Variants in HS3ST4 observed in about 807,000 individuals in gnomAD.
The protein encoded by HS3ST4 is heparan sulfate-glucosamine 3-sulfotransferase 4, also known as heparan sulfate glucosamine 3-O-sulfotransferase 4.
Under a neutral mutation model 29.2 loss-of-function variants are expected in HS3ST4, and 17 were observed. The ratio of observed to expected loss-of-function variants is 0.58; its 90% CI spans 0.40 to 0.87. HS3ST4 has a LOEUF of 0.87. HS3ST4 is among the 40% of genes least tolerant of loss of function. The pLI is 0.00. For synonymous variants in HS3ST4, 314 were observed against 285.7 expected (o/e 1.10, Z -1.00); for missense variants, 627 against 634.5 (o/e 0.99, Z 0.13).
chr16:25,989,641 T>C (rs1969097409), intron 1 of HS3ST4, among the ~76,000 whole-genome samples: 1 of 152,196 alleles, frequency 6.6e-6, no homozygotes, highest in African/African-American at 2.4e-5. Flanking sequence ...AAAGTTAAGG[T>C]CCCGTATGAG....
chr16:25,989,689 C>A (rs1969097966), intron 1 of HS3ST4, among the ~76,000 whole-genome samples: 2 of 152,186 alleles, frequency 1.3e-5, no homozygotes, highest in African/African-American at 2.4e-5. Context: ...TTCTTCAGGT[C>A]CAGTCTCCAT....
In HS3ST4 at chr16:25,975,865, G is replaced by A. The variant is rs575478764; in HGVS notation, c.735-159747G>A. On this transcript the variant is annotated intron_variant, in intron 1 of 1. Transcript: ENST00000331351. Reference sequence around the variant, plus strand: ...CTACAGTGGCTAAATTGCATGATACGCCATAATTTATTTAATTATTTACCA... The same window carrying A: ...CTACAGTGGCTAAATTGCATGATACACCATAATTTATTTAATTATTTACCA... Among the ~76,000 whole-genome samples the A allele has an allele frequency of 6.6e-5, 10 of 152,194 alleles. No homozygotes were observed. The South Asian group carries it at 1.0e-3, about 16-fold the overall frequency.
chr16:25,838,150 C>T (rs1967379393), intron 1 of HS3ST4, among the ~76,000 whole-genome samples: 1 of 152,188 alleles, frequency 6.6e-6, no homozygotes, highest in African/African-American at 2.4e-5. Context: ...AACAGGAATA[C>T]TAATAGAGAA....
chr16:25,941,805 T>C (rs958661591), intron 1 of HS3ST4, among the ~76,000 whole-genome samples: 24 of 151,542 alleles, frequency 1.6e-4, no homozygotes, highest in Non-Finnish European at 2.2e-4. Context: ...CTCAATCTTC[T>C]GACCTTGTGA....
At chr16:26,031,894 A>T (rs1969534776) in intron 1 of HS3ST4, among the ~76,000 whole-genome samples, 1 of 152,224 alleles carries the variant, frequency 6.6e-6, no homozygotes, top group Admixed American at 6.5e-5. Flanking sequence ...TCTTCATCTG[A>T]TGCTCTGAAC....
In HS3ST4 at chr16:26,080,921, G is replaced by A. The variant is rs114166128; in HGVS notation, c.735-54691G>A. On this transcript the variant is annotated intron_variant, in intron 1 of 1. Coordinates refer to ENST00000331351, the MANE Select transcript of HS3ST4 (RefSeq NM_006040.3). Reference sequence around the variant, plus strand: ...TGCAACATCTTGCTCATCAAAGTGCGTCCACGGACCAGCAGCTAAGAGCTT... The same window carrying A: ...TGCAACATCTTGCTCATCAAAGTGCATCCACGGACCAGCAGCTAAGAGCTT... 1.6e-3 allele frequency among the ~76,000 whole-genome samples: 242 copies of A among 152,252 alleles called. 1 individual carries two copies. Among genetic ancestry groups the A allele is most frequent in the African/African-American group, 5.6e-3 (233 of 41,536 alleles).
intron 1 of HS3ST4, among the ~76,000 whole-genome samples, chr16:25,921,631 C>G (rs1478193742): frequency 6.6e-6 from 1 of 152,142 alleles, no homozygotes; most frequent in Non-Finnish European, 1.5e-5. Context: ...CTTGTCATCT[C>G]ATCAGCAGGA....
intron 1 of HS3ST4, among the ~76,000 whole-genome samples, chr16:25,798,620 T>C (rs1966903763): frequency 6.6e-6 from 1 of 152,144 alleles, no homozygotes; most frequent in Non-Finnish European, 1.5e-5. Flanking sequence ...CCCTCCACAG[T>C]GAATATTTTG....
chr16:26,007,738 C>T (rs2141737416), intron 1 of HS3ST4, among the ~76,000 whole-genome samples: 1 of 152,272 alleles, frequency 6.6e-6, no homozygotes, highest in African/African-American at 2.4e-5. Context: ...GGACATTATG[C>T]TCTGTTTTCC....
intron 1 of HS3ST4, among the ~76,000 whole-genome samples, chr16:25,815,879 G>C (rs192381790): frequency 5.7e-4 from 86 of 152,200 alleles, no homozygotes; most frequent in African/African-American, 2.0e-3. Context: ...AATTCTCTAA[G>C]CTAATGATTT....
At chr16:25,981,528 G>C (rs1041311194) in intron 1 of HS3ST4, among the ~76,000 whole-genome samples, 3 of 151,404 alleles carry the variant, frequency 2.0e-5, no homozygotes, top group Admixed American at 6.6e-5. Flanking sequence ...CCTGAGCTCA[G>C]ATCTCTTCCT....
intron 1 of HS3ST4, among the ~76,000 whole-genome samples, chr16:25,746,269 G>T (rs571476706): frequency 6.6e-6 from 1 of 152,280 alleles, no homozygotes; most frequent in Non-Finnish European, 1.5e-5. Context: ...GTGTTATAAT[G>T]GGATATTAAA....
In HS3ST4 at chr16:26,049,110, A is replaced by T. The variant is rs537220918; in HGVS notation, c.735-86502A>T. Among the ~76,000 whole-genome samples the T allele has an allele frequency of 1.4e-3, 207 of 152,092 alleles. 1 individual carries two copies. Among genetic ancestry groups the T allele is most frequent in the African/African-American group, 4.8e-3 (199 of 41,492 alleles). On this transcript the variant is annotated intron_variant, in intron 1 of 1. Transcript: ENST00000331351. ...AAATGATTCTGGGCTTCTGCTTGTGATATTGACATAATAATTATTATCTTA... is the reference window on the plus strand; with the variant it reads ...AAATGATTCTGGGCTTCTGCTTGTGTTATTGACATAATAATTATTATCTTA...
At chr16:26,041,885 A>G (rs1376824383) in intron 1 of HS3ST4, among the ~76,000 whole-genome samples, 1 of 152,172 alleles carries the variant, frequency 6.6e-6, no homozygotes, top group Admixed American at 6.5e-5. Flanking sequence ...TTCTCCATGG[A>G]TGATGGCTTA....
At chr16:26,054,196 A>G (rs1160075346) in intron 1 of HS3ST4, among the ~76,000 whole-genome samples, 3 of 151,960 alleles carry the variant, frequency 2.0e-5, no homozygotes, top group Non-Finnish European at 4.4e-5. Context: ...ACACAACACC[A>G]TACCTGACTG....
intron 1 of HS3ST4, among the ~76,000 whole-genome samples, chr16:25,773,844 T>A (rs553181311): frequency 1.3e-5 from 2 of 152,268 alleles, no homozygotes; most frequent in Non-Finnish European, 2.9e-5. Flanking sequence ...TACTACTCTG[T>A]ATGCCCCTGT....
At chr16:25,932,960 C>T (rs551932978) in intron 1 of HS3ST4, among the ~76,000 whole-genome samples, 4 of 152,314 alleles carry the variant, frequency 2.6e-5, no homozygotes, top group East Asian at 3.9e-4. Flanking sequence ...TCAATTCCTC[C>T]CTCCTTTAGC....
At chr16:26,080,793 C>G (rs939712079) in intron 1 of HS3ST4, among the ~76,000 whole-genome samples, 1 of 152,138 alleles carries the variant, frequency 6.6e-6, no homozygotes, top group Non-Finnish European at 1.5e-5. Flanking sequence ...AGAAAGACCT[C>G]AAGCAGAGAG....
At chr16:25,715,425 G>A (rs1348517763) in intron 1 of HS3ST4, among the ~76,000 whole-genome samples, 1 of 151,854 alleles carries the variant, frequency 6.6e-6, no homozygotes, top group Non-Finnish European at 1.5e-5. Context: ...TAATAAGGAT[G>A]GTGATTCCAT....
Sources: gnomAD v4.1 joint callset for allele counts (sites outside exome capture counted in the v4.1 genomes callset) on GRCh38, gnomAD v4.1.1 for gene constraint, MANE v1.5 for transcripts, NCBI Gene and HGNC (gene_info 2026-07-23, HGNC 2026-07-21) for gene names.